PDGFRL: variants seen among roughly 807,000 people sequenced by gnomAD.
PDGFRL encodes platelet-derived growth factor receptor-like protein.
In PDGFRL, 46 loss-of-function variants were observed where a neutral mutation model predicts 37.2. The observed-to-expected ratio is 1.24, with a 90% CI of 0.98 to 1.58. PDGFRL has a LOEUF of 1.58. Among genes scored for constraint, PDGFRL ranks in the 40% most tolerant of loss-of-function variants. The probability of loss-of-function intolerance (pLI) is 0.00; values close to 1 mark genes in which losing one functional copy is unlikely to be tolerated. For synonymous variants in PDGFRL, 251 were observed against 184.3 expected (o/e 1.36, Z -2.93); for missense variants, 692 against 467.6 (o/e 1.48, Z -4.43).
At chr8:17,638,839 T>C (rs1805034780) in intron 5 of PDGFRL, among the ~76,000 whole-genome samples, 1 of 147,354 alleles carries the variant, frequency 6.8e-6, no homozygotes, top group Non-Finnish European at 1.5e-5. Flanking sequence ...ATAATGTCCG[T>C]CTTTCTCTTT....
chr8:17,638,786 T>TATATATAAAA (rs751775328), intron 5 of PDGFRL, among the ~76,000 whole-genome samples: 1 of 102,830 alleles, frequency 9.7e-6, no homozygotes, highest in Non-Finnish European at 1.9e-5. Flanking sequence ...TATATATATA[T>TATATATAAAA]AATTGTGATA....
At chr8:17,626,501 G>A (rs1412941277) in intron 3 of PDGFRL, among the ~76,000 whole-genome samples, 1 of 152,158 alleles carries the variant, frequency 6.6e-6, no homozygotes, top group Non-Finnish European at 1.5e-5. Context: ...ACCATTTGAT[G>A]ATGTGTCCAG....
intron 2 of PDGFRL, among the ~76,000 whole-genome samples, chr8:17,591,933 G>C (rs1047858121): frequency 6.6e-6 from 1 of 152,128 alleles, no homozygotes; most frequent in African/African-American, 2.4e-5. Flanking sequence ...AACAAAGAAA[G>C]AAAGGCTGCA....
intron 1 of PDGFRL, among the ~76,000 whole-genome samples, chr8:17,587,895 G>T (rs1006550441): frequency 6.6e-6 from 1 of 152,132 alleles, no homozygotes; most frequent in African/African-American, 2.4e-5. Context: ...CTCCCAAAAT[G>T]CTGGGATTAC....
intron 2 of PDGFRL, among the ~76,000 whole-genome samples, chr8:17,590,106 C>T (rs1474351333): frequency 6.6e-6 from 1 of 151,332 alleles, no homozygotes; most frequent in Non-Finnish European, 1.5e-5. Context: ...TGGCAGGTGC[C>T]TGTAGTCCCA....
chr8:17,628,054 C>T (rs558254809), intron 3 of PDGFRL, among the ~76,000 whole-genome samples: 28 of 130,480 alleles, frequency 2.1e-4, no homozygotes, highest in Non-Finnish European at 3.1e-4. Flanking sequence ...AGTGCAGTGG[C>T]GCTATCTCGG....
intron 4 of PDGFRL, among the ~76,000 whole-genome samples, chr8:17,633,456 A>C (rs1482143674): frequency 6.6e-6 from 1 of 152,126 alleles, no homozygotes; most frequent in Admixed American, 6.5e-5. Context: ...TGAACCCGGG[A>C]GGCAGAACTT....
chr8:17,637,539 G>A (rs1229430228), intron 5 of PDGFRL, among the ~76,000 whole-genome samples: 1 of 151,954 alleles, frequency 6.6e-6, no homozygotes, highest in African/African-American at 2.4e-5. Context: ...TCTCTTTTTT[G>A]TTATGTCCTT....
intron 3 of PDGFRL, among the ~76,000 whole-genome samples, chr8:17,623,049 CTA>C (rs769817023): frequency 2.6e-5 from 4 of 152,224 alleles, no homozygotes; most frequent in Non-Finnish European, 5.9e-5. Context: ...CCTCCTGCCT[CTA>C]TCAGTTTCAT....
rs535505311 is a variant in PDGFRL, at chr8:17,626,304, C to A, written c.506-2183C>A. 6.6e-5 allele frequency among the ~76,000 whole-genome samples: 10 copies of A among 152,272 alleles called. No homozygotes were observed. The East Asian group carries it at 1.9e-3, about 29-fold the overall frequency. ...ATTAGGCATGACGTTGACAAAGGTA[C>A]CCCTTACCTAAGCCTGAAAGCCAAT... On this transcript the variant is annotated intron_variant, in intron 3 of 5. Coordinates refer to ENST00000251630, the MANE Select transcript of PDGFRL (RefSeq NM_001372073.1).
At chr8:17,605,882 A>G (rs1804265811) in intron 2 of PDGFRL, among the ~76,000 whole-genome samples, 3 of 152,080 alleles carry the variant, frequency 2.0e-5, no homozygotes, top group African/African-American at 7.3e-5. Context: ...TCGGAAAACA[A>G]TAAATAGCTT....
At chr8:17,634,978 T>G (rs1394263249) in intron 5 of PDGFRL, among the ~76,000 whole-genome samples, 1 of 151,990 alleles carries the variant, frequency 6.6e-6, no homozygotes, top group African/African-American at 2.4e-5. Flanking sequence ...AAAAGGTTTT[T>G]TTTTAAAAAA....
intron 2 of PDGFRL, among the ~76,000 whole-genome samples, chr8:17,617,157 A>G (rs2129746928): frequency 6.6e-6 from 1 of 152,238 alleles, no homozygotes; most frequent in East Asian, 1.9e-4. Context: ...TTAAAATTTG[A>G]ACACTTTCAC....
chr8:17,625,114 A>G (rs1486313816), intron 3 of PDGFRL, among the ~76,000 whole-genome samples: 1 of 146,078 alleles, frequency 6.8e-6, no homozygotes, highest in Non-Finnish European at 1.5e-5. Flanking sequence ...AGCATTAGGT[A>G]TATCTCCTAA....
At chr8:17,606,894 G>GT (rs1198809504) in intron 2 of PDGFRL, among the ~76,000 whole-genome samples, 26 of 123,690 alleles carry the variant, frequency 2.1e-4, no homozygotes, top group African/African-American at 7.0e-4. Context: ...TTGTTTTTTT[G>GT]TTTTTTTTTT....
intron 2 of PDGFRL, among the ~76,000 whole-genome samples, chr8:17,598,217 C>T (rs1014441048): frequency 5.3e-5 from 8 of 152,212 alleles, no homozygotes; most frequent in African/African-American, 1.9e-4. Context: ...AGATTTGAAT[C>T]TTCCGTTTAT....
At chr8:17,604,215 C>T (rs958675896) in intron 2 of PDGFRL, among the ~76,000 whole-genome samples, 1 of 152,148 alleles carries the variant, frequency 6.6e-6, no homozygotes, top group Non-Finnish European at 1.5e-5. Flanking sequence ...TACCATTTGA[C>T]CCAGCCATCC....
intron 2 of PDGFRL, among the ~76,000 whole-genome samples, chr8:17,617,853 T>C (rs1804559228): frequency 6.6e-6 from 1 of 152,164 alleles, no homozygotes; most frequent in Non-Finnish European, 1.5e-5. Flanking sequence ...TGCTAGCAAA[T>C]GCTCGGCCCA....
At chr8:17,616,052 G>A (rs899418417) in intron 2 of PDGFRL, among the ~76,000 whole-genome samples, 16 of 152,218 alleles carry the variant, frequency 1.1e-4, no homozygotes, top group Admixed American at 8.5e-4. Context: ...TGAAGAGTAG[G>A]TGAAGCCAGA....
Sources: gnomAD v4.1 joint callset for allele counts (sites outside exome capture counted in the v4.1 genomes callset) on GRCh38, gnomAD v4.1.1 for gene constraint, MANE v1.5 for transcripts, NCBI Gene and HGNC (gene_info 2026-07-23, HGNC 2026-07-21) for gene names.